The following QSOX1 variants were observed in gnomAD, a reference collection of about 807,000 sequenced individuals.
QSOX1 encodes quiescin sulfhydryl oxidase 1.
In QSOX1, 40 loss-of-function variants were observed where a neutral mutation model predicts 76.1. That is an observed-to-expected ratio of 0.53 (90% CI 0.41 to 0.68). The LOEUF (loss-of-function observed/expected upper bound fraction) is 0.68. Ranked by LOEUF, QSOX1 falls within the 30% of genes least tolerant of loss-of-function variation. QSOX1 has a pLI of 0.00. For synonymous variants in QSOX1, 392 were observed against 413.1 expected (o/e 0.95, Z 0.62); for missense variants, 931 against 974.3 (o/e 0.96, Z 0.59).
chr1:180,182,849 G>C (rs781572447), intron 6 of QSOX1, among the ~76,000 whole-genome samples: 1 of 152,224 alleles, frequency 6.6e-6, no homozygotes, highest in Non-Finnish European at 1.5e-5. Context: ...TGCCCTCCCT[G>C]GGCAGATGAT....
chr1:180,186,056 C>G lies in QSOX1; in HGVS notation c.891C>G (p.Ser297=), dbSNP rs1473678692. 5 of 1,613,984 alleles carry G rather than the reference C, an allele frequency of 3.1e-6. No homozygotes were observed. In the African/African-American group the frequency reaches 6.7e-5, roughly 22 times the overall value. The change falls in exon 8 of 12, where the codon TCC becomes TCG. Residue 297 remains serine (S), a synonymous_variant. Coordinates refer to ENST00000367602, the MANE Select transcript of QSOX1 (RefSeq NM_002826.5). The part of the protein sequence containing the change: ...APTVWKLADR[S]KIYMADLESA... Reference sequence around the variant, plus strand: ...CTATCTCCCTCTGGGTCCTCAGCTCCAAGATCTACATGGCTGACCTGGAAT... The same window carrying G: ...CTATCTCCCTCTGGGTCCTCAGCTCGAAGATCTACATGGCTGACCTGGAAT...
chr1:180,165,961 C>T (rs1662605054), intron 1 of QSOX1, among the ~76,000 whole-genome samples: 1 of 152,216 alleles, frequency 6.6e-6, no homozygotes, highest in African/African-American at 2.4e-5. Context: ...GTCTGGGGAC[C>T]CAGTTCCTGA....
intron 2 of QSOX1, among the ~76,000 whole-genome samples, chr1:180,172,871 C>T (rs1478708648): frequency 1.3e-4 from 19 of 151,974 alleles, no homozygotes. Flanking sequence ...AATATGGGCA[C>T]CTGCTCAGAT....
intron 4 of QSOX1, among the ~76,000 whole-genome samples, chr1:180,177,160 C>G (rs1227229836): frequency 6.6e-6 from 1 of 152,094 alleles, no homozygotes; most frequent in East Asian, 1.9e-4. Flanking sequence ...TCCTTACACA[C>G]ACACGTACAT....
At chr1:180,183,671 A>C (rs1381014984) in intron 6 of QSOX1, among the ~76,000 whole-genome samples, 1 of 152,192 alleles carries the variant, frequency 6.6e-6, no homozygotes. Context: ...TTGCCTTACC[A>C]GGTGAGGTTT....
chr1:180,179,802 C>T (rs1662985884), intron 5 of QSOX1, among the ~76,000 whole-genome samples: 2 of 152,370 alleles, frequency 1.3e-5, no homozygotes, highest in South Asian at 4.1e-4. Flanking sequence ...AAGCCAGATG[C>T]TGTCTCCAGG....
rs7521513 is a variant in QSOX1 at position 180,190,519 on chromosome 1, C to G, written c.1227C>G (p.Val409=). Residue 409 remains valine, a synonymous_variant, in exon 10 of 12, where the codon GTC becomes GTG. Transcript: ENST00000367602. ...GGGGCTTTCCCTGCTCCCTGTGGGT[C>G]CTCTTCCACTTCTTGACTGTGCAGG... ...HFRGFPCSLW[V]LFHFLTVQAA... 1.2e-6 allele frequency: 2 copies of G among 1,613,986 alleles called. No individual in the cohort carries two copies. Among genetic ancestry groups the G allele is most frequent in the Non-Finnish European group, 1.7e-6 (2 of 1,179,936 alleles).
intron 9 of QSOX1, 106 bp downstream of exon 9, chr1:180,189,780 G>A: frequency 7.5e-7 from 1 of 1,336,558 alleles, no homozygotes; most frequent in South Asian, 1.4e-5. Flanking sequence ...GCACCAGGGA[G>A]TCAGTGATCT....
At chr1:180,178,741 TTG>T in intron 4 of QSOX1, 51 bp from the exon 5 acceptor site, 1 of 1,543,694 alleles carries the variant, frequency 6.5e-7, no homozygotes. Flanking sequence ...GCCAGCGGTT[TTG>T]TCTTATTTCT....
chr1:180,168,165 A>T (rs1240455023), intron 2 of QSOX1, among the ~76,000 whole-genome samples: 1 of 152,256 alleles, frequency 6.6e-6, no homozygotes. Flanking sequence ...GCCTAGGCCC[A>T]GGAGGTCAGA....
chr1:180,168,850 A>G (rs1013646063), intron 2 of QSOX1, among the ~76,000 whole-genome samples: 1 of 152,186 alleles, frequency 6.6e-6, no homozygotes, highest in Non-Finnish European at 1.5e-5. Context: ...GGCCAGAGAC[A>G]TAGCCCTGTT....
intron 10 of QSOX1, among the ~76,000 whole-genome samples, chr1:180,191,680 C>T (rs552424189): frequency 2.0e-5 from 3 of 152,326 alleles, no homozygotes; most frequent in Non-Finnish European, 2.9e-5. Flanking sequence ...CAAAGCAGTG[C>T]CGGAGCGGGT....
chr1:180,190,632 G>C, intron 10 of QSOX1, 52 bp downstream of exon 10: 1 of 1,548,524 alleles, frequency 6.5e-7, no homozygotes. Flanking sequence ...GCTCTGTTCG[G>C]CCCTCCAAGG....
rs1164095511 is a variant in QSOX1, at chr1:180,186,144, C to G, written c.979C>G (p.Leu327Val). Residue 327 changes from leucine (L) to valine (V), a missense_variant, in exon 8 of 12, where the codon CTG (leucine) becomes GTG (valine). Transcript: ENST00000367602. Reference protein sequence around the residue: ...GRFPVLEGQRLVALKKFVAVL... With the variant: ...GRFPVLEGQRVVALKKFVAVL... ...GTTCCCGGTCCTGGAAGGGCAGCGC[C>G]TGGTGGCCCTGAAAAAGTTTGTGGC... 6.2e-7 allele frequency: 1 copy of G among 1,614,066 alleles called. No individual in the cohort carries two copies. The highest frequency in any genetic ancestry group is 1.7e-5 in the Admixed American group (1 of 60,030).
chr1:180,195,076 G>A (rs114118423), intron 11 of QSOX1, among the ~76,000 whole-genome samples: 1,712 of 152,146 alleles, frequency 0.011, 30 homozygotes, highest in African/African-American at 0.039. Flanking sequence ...GCACTTGGTC[G>A]TGGTCTCCTG....
In QSOX1 at chr1:180,202,729, C is replaced by T. The variant is rs1013660750; in HGVS notation, c.*5692C>T. On this transcript the variant is annotated 3_prime_UTR_variant, in exon 12 of 12. Transcript: ENST00000367602. Reference sequence around the variant, plus strand: ...TTGAATACTTCACTGTTTTTGAAAGCATGAAAACAATGGAAAATGCAACTG... The same window carrying T: ...TTGAATACTTCACTGTTTTTGAAAGTATGAAAACAATGGAAAATGCAACTG... 6.8e-6 allele frequency: 1 copy of T among 147,090 alleles called. No individual in the cohort carries two copies. The highest frequency in any genetic ancestry group is 1.5e-5 in the Non-Finnish European group (1 of 66,936). 9.1% of individuals were successfully genotyped at this position (147,090 alleles called of 1,614,324 possible).
chr1:180,189,562 G>A lies in QSOX1; in HGVS notation c.1028G>A (p.Gly343Asp). Residue 343 changes from glycine to aspartate, a missense_variant, in exon 9 of 12, where the codon GGC (glycine) becomes GAC (aspartate). Physicochemically the swap from Gly to Asp is moderately conservative, Grantham distance 94. Coordinates refer to ENST00000367602, the MANE Select transcript of QSOX1 (RefSeq NM_002826.5). Reference sequence around the variant, plus strand: ...TGTTCCTCCCCACAGTATTTCCCTGGCCGGCCCTTAGTCCAGAACTTCCTG... The same window carrying A: ...TGTTCCTCCCCACAGTATTTCCCTGACCGGCCCTTAGTCCAGAACTTCCTG... ...FVAVLAKYFP[G>D]RPLVQNFLHS... 6.2e-7 allele frequency: 1 copy of A among 1,612,186 alleles called. No homozygotes were observed.
chr1:180,197,367 C>G lies in QSOX1; in HGVS notation c.*330C>G, dbSNP rs768044862. The G allele has an allele frequency of 7.4e-6, 12 of 1,613,914 alleles. 1 individual carries two copies. In the Admixed American group the frequency reaches 1.0e-4, roughly 13 times the overall value. ...AGTCCTGCCTCATTCTCACTGGAGC[C>G]TCAGTCTCTCCTGCTTGGTCTTGGC... On this transcript the variant is annotated 3_prime_UTR_variant, in exon 12 of 12. Transcript: ENST00000367602.
chr1:180,155,017 C>T lies in QSOX1; in HGVS notation c.110C>T (p.Ser37Leu). 6.6e-7 allele frequency: 1 copy of T among 1,513,144 alleles called. No homozygotes were observed. Among genetic ancestry groups the T allele is most frequent in the Non-Finnish European group, 8.8e-7 (1 of 1,138,076 alleles). 93.7% of individuals were successfully genotyped at this position (1,513,144 alleles called of 1,614,324 possible). ...GCGGCCCCGCGGTCGGCGCTCTATT[C>T]GCCTTCCGACCCGCTGACGCTGCTG... is the stretch of plus-strand genomic sequence containing the variant. ...ANAAPRSALY[S>L]PSDPLTLLQA... The change falls in exon 1 of 12, where the codon TCG becomes TTG. Residue 37 changes from serine to leucine, a missense_variant. Transcript: ENST00000367602.
Sources: allele counts gnomAD v4.1 joint callset (sites outside exome capture counted in the v4.1 genomes callset), GRCh38; gene constraint gnomAD v4.1.1; transcripts MANE v1.5; gene names NCBI Gene and HGNC (gene_info 2026-07-23, HGNC 2026-07-21).